Variants in WWOX observed in about 807,000 individuals in gnomAD.
WWOX encodes WW domain-containing oxidoreductase.
A neutral mutation model predicts 46.2 loss-of-function variants in WWOX; 69 were observed. The ratio of observed to expected loss-of-function variants is 1.49; its 90% CI spans 1.23 to 1.82. The LOEUF (loss-of-function observed/expected upper bound fraction) is 1.82. Ranked by LOEUF, WWOX falls within the 40% of genes most tolerant of loss-of-function variation. The probability of loss-of-function intolerance (pLI) is 0.00; values close to 1 mark genes in which losing one functional copy is unlikely to be tolerated. For missense variants in WWOX, 919 were observed against 542.6 expected (o/e 1.69, Z -6.89); for synonymous variants, 359 against 202.6 (o/e 1.77, Z -6.56).
chr16:78,311,389 A>AT (rs1346747412), intron 5 of WWOX, among the ~76,000 whole-genome samples: 1 of 152,164 alleles, frequency 6.6e-6, no homozygotes, highest in Non-Finnish European at 1.5e-5. Flanking sequence ...GGAATGGAGG[A>AT]TTTATAACTG....
chr16:78,279,070 G>T (rs2079631559), intron 5 of WWOX, among the ~76,000 whole-genome samples: 1 of 152,112 alleles, frequency 6.6e-6, no homozygotes, highest in African/African-American at 2.4e-5. Context: ...GAAGACTGAG[G>T]ATGTCACCAG....
chr16:79,113,544 T>G (rs935962390), intron 8 of WWOX, among the ~76,000 whole-genome samples: 1 of 152,232 alleles, frequency 6.6e-6, no homozygotes, highest in Admixed American at 6.5e-5. Flanking sequence ...TGTCCTATAT[T>G]TTATAGGGCA....
At chr16:79,103,730 C>G (rs377487127) in intron 8 of WWOX, among the ~76,000 whole-genome samples, 1 of 152,112 alleles carries the variant, frequency 6.6e-6, no homozygotes, top group Non-Finnish European at 1.5e-5. Context: ...AGATATGTTA[C>G]TTAAACTATT....
intron 5 of WWOX, among the ~76,000 whole-genome samples, chr16:78,302,934 T>C (rs2080066678): frequency 6.6e-6 from 1 of 152,208 alleles, no homozygotes; most frequent in African/African-American, 2.4e-5. Context: ...TCAACTGTAA[T>C]GGTCTTGTTG....
At chr16:78,712,965 G>A (rs2048475454) in intron 8 of WWOX, among the ~76,000 whole-genome samples, 1 of 152,048 alleles carries the variant, frequency 6.6e-6, no homozygotes, top group African/African-American at 2.4e-5. Context: ...GCCAAGAATA[G>A]CAGTTAGAAA....
chr16:79,016,127 A>G (rs919920278), intron 8 of WWOX: 1 of 152,228 alleles, frequency 6.6e-6, no homozygotes, highest in African/African-American at 2.4e-5. Context: ...GTAATCCTCT[A>G]TTTAAGCTAT....
chr16:79,171,142 G>T (rs143297019), intron 8 of WWOX, among the ~76,000 whole-genome samples: 38 of 152,306 alleles, frequency 2.5e-4, no homozygotes, highest in Non-Finnish European at 4.3e-4. Context: ...TGCAGGAGTT[G>T]CCTTGGATAT....
intron 8 of WWOX, among the ~76,000 whole-genome samples, chr16:78,530,579 G>C (rs971780823): frequency 2.0e-5 from 3 of 152,274 alleles, no homozygotes; most frequent in East Asian, 1.9e-4. Flanking sequence ...TATGGGTACA[G>C]GATTGGGGGC....
chr16:78,806,951 T>G (rs1209630493), intron 8 of WWOX, among the ~76,000 whole-genome samples: 1 of 152,224 alleles, frequency 6.6e-6, no homozygotes, highest in East Asian at 1.9e-4. Context: ...ATCCTACCTC[T>G]GCCTCTTACT....
At position 79,027,964 on chromosome 16, in the gene WWOX, G is replaced by T. The variant is rs929448919; in HGVS notation, c.1057-183644G>T. On this transcript the variant is annotated intron_variant, in intron 8 of 8. Coordinates refer to ENST00000566780, the MANE Select transcript of WWOX (RefSeq NM_016373.4). ...TTTTCTTTTTTGTTGTTGTTTGTTT[G>T]TTTTTGAGACGGAGTGTCGCTCTGT... is the stretch of plus-strand genomic sequence containing the variant. 4.6e-5 allele frequency among the ~76,000 whole-genome samples: 7 copies of T among 151,692 alleles called. 1 individual carries two copies. The East Asian group carries it at 9.7e-4, about 21-fold the overall frequency.
intron 8 of WWOX, among the ~76,000 whole-genome samples, chr16:78,464,628 A>T (rs765736055): frequency 5.3e-5 from 8 of 152,156 alleles, no homozygotes; most frequent in Non-Finnish European, 1.0e-4. Context: ...TTGAAGGCAG[A>T]TCTGTCTGCT....
chr16:78,271,253 C>G (rs909155561), intron 5 of WWOX, among the ~76,000 whole-genome samples: 4 of 152,120 alleles, frequency 2.6e-5, no homozygotes, highest in African/African-American at 4.8e-5. Context: ...AGTTTCAAAT[C>G]TGTTGTAGTC....
chr16:79,184,158 C>A (rs528292834), intron 8 of WWOX, among the ~76,000 whole-genome samples: 1 of 152,288 alleles, frequency 6.6e-6, no homozygotes, highest in Admixed American at 6.5e-5. Flanking sequence ...TAAACCCTCC[C>A]CCAAATGCTC....
At chr16:79,178,338 A>G (rs1374305593) in intron 8 of WWOX, among the ~76,000 whole-genome samples, 2 of 152,148 alleles carry the variant, frequency 1.3e-5, no homozygotes, top group Non-Finnish European at 1.5e-5. Flanking sequence ...ATTGATTGAG[A>G]TAGGGTCTCA....
At chr16:78,226,419 A>G (rs909495971) in intron 5 of WWOX, among the ~76,000 whole-genome samples, 15 of 151,830 alleles carry the variant, frequency 9.9e-5, no homozygotes, top group Admixed American at 2.6e-4. Flanking sequence ...CCTAGAAAAT[A>G]TTAGAAAGAA....
intron 5 of WWOX, among the ~76,000 whole-genome samples, chr16:78,359,761 C>T (rs1035591086): frequency 6.6e-6 from 1 of 152,220 alleles, no homozygotes; most frequent in African/African-American, 2.4e-5. Flanking sequence ...TGTTGAGAAG[C>T]TCATAATTCG....
At position 78,722,759 on chromosome 16, in the gene WWOX, A is replaced by G. The variant is rs139577894; in HGVS notation, c.1056+290007A>G. ...CAAAGGAATAGAAGATCCTGTGAAG[A>G]GCTGGGTGTGGTGGCTCATGGCTGT... On this transcript the variant is annotated intron_variant, in intron 8 of 8. Transcript: ENST00000566780. Among the ~76,000 whole-genome samples, 16 of 140,330 alleles carry G rather than the reference A, an allele frequency of 1.1e-4. No individual in the cohort carries two copies. The East Asian group carries it at 3.4e-3, about 30-fold the overall frequency. 92.1% of individuals were successfully genotyped at this position (140,330 alleles called of 152,430 possible). A position where few individuals can be genotyped will look rare whatever the true frequency, so the allele number is the denominator to read the frequency against.
intron 8 of WWOX, among the ~76,000 whole-genome samples, chr16:78,950,001 A>T (rs1410187041): frequency 6.6e-6 from 1 of 152,230 alleles, no homozygotes; most frequent in Non-Finnish European, 1.5e-5. Flanking sequence ...GACAGATGAG[A>T]GGACTGAGGC....
At chr16:78,485,988 C>A (rs960552721) in intron 8 of WWOX, among the ~76,000 whole-genome samples, 2 of 152,078 alleles carry the variant, frequency 1.3e-5, no homozygotes, top group African/African-American at 4.8e-5. Context: ...CCTAGGAGTC[C>A]ATGTAGTTGC....
Sources: gnomAD v4.1 joint callset for allele counts (sites outside exome capture counted in the v4.1 genomes callset) on GRCh38, gnomAD v4.1.1 for gene constraint, MANE v1.5 for transcripts, NCBI Gene and HGNC (gene_info 2026-07-23, HGNC 2026-07-21) for gene names.